Variants in RYR2 observed in about 807,000 individuals in gnomAD.
RYR2 encodes cardiac muscle ryanodine receptor-calcium release channel.
In RYR2, 227 loss-of-function variants were observed where a neutral mutation model predicts 601.1. The ratio of observed to expected loss-of-function variants is 0.38; its 90% CI spans 0.34 to 0.42. RYR2 has a LOEUF of 0.42. Among genes scored for constraint, RYR2 ranks in the 10% least tolerant of loss-of-function variants. RYR2 has a pLI of 1.00. For synonymous variants in RYR2, 2,223 were observed against 2,175.1 expected, an observed-to-expected ratio of 1.02 and a Z score of -0.61; for missense variants, 4,646 against 6,156.5, an observed-to-expected ratio of 0.75 and a Z score of 8.21.
At chr1:237,641,535 C>CTTTCT (rs1681536553) in intron 47 of RYR2, among the ~76,000 whole-genome samples, 1 of 131,474 alleles carries the variant, frequency 7.6e-6, no homozygotes, top group Non-Finnish European at 1.6e-5. Flanking sequence ...CTTTTTCTTT[C>CTTTCT]TTTTCTCTCT....
At chr1:237,515,367 A>G (rs1192784410) in intron 24 of RYR2, among the ~76,000 whole-genome samples, 1 of 152,270 alleles carries the variant, frequency 6.6e-6, no homozygotes, top group Admixed American at 6.5e-5. Flanking sequence ...GGAAGTTAAC[A>G]AAAATATAGT....
chr1:237,042,617 G>A (rs1001472473), intron 1 of RYR2, 48 bp downstream of exon 1: 2 of 1,248,278 alleles, frequency 1.6e-6, no homozygotes, highest in African/African-American at 1.5e-5. Flanking sequence ...GGGCGTCAGG[G>A]CATCCACTAG....
At position 237,355,953 on chromosome 1, in the gene RYR2, T is replaced by G; in HGVS notation, c.274-12T>G. ...TTTGTTTGTTATTTATTTTGGCTTT[T>G]TCTTTCCACAGCAAGTTGATGTGGA... On this transcript the variant is annotated splice_polypyrimidine_tract_variant and intron_variant, in intron 3 of 104. Transcript: ENST00000366574. The G allele has an allele frequency of 6.3e-7, 1 of 1,599,086 alleles. No homozygotes were observed. Among genetic ancestry groups the G allele is most frequent in the Non-Finnish European group, 8.5e-7 (1 of 1,171,896 alleles).
In RYR2 at chr1:237,071,375, C is replaced by T. The variant is rs576143824; in HGVS notation, c.48+28806C>T. ...AGTAGCTGGGATTACAGGCACCTGT[C>T]GCCATGCCCGGCTAATTTTTCTATT... On this transcript the variant is annotated intron_variant, in intron 1 of 104. Transcript: ENST00000366574. Among the ~76,000 whole-genome samples, 21 of 152,216 alleles carry T rather than the reference C, an allele frequency of 1.4e-4. No individual in the cohort carries two copies. In the East Asian group the frequency reaches 1.7e-3, roughly 13 times the overall value.
At chr1:237,362,757 C>T (rs1699885284) in intron 4 of RYR2, among the ~76,000 whole-genome samples, 1 of 152,164 alleles carries the variant, frequency 6.6e-6, no homozygotes, top group African/African-American at 2.4e-5. Context: ...TACCACAAAT[C>T]TTTCATGTTC....
In RYR2 at chr1:237,477,545, G is replaced by A. The variant is rs537147216; in HGVS notation, c.1708+8358G>A. On this transcript the variant is annotated intron_variant, in intron 17 of 104. Transcript: ENST00000366574. The stretch of plus-strand genomic sequence containing the variant: ...CTTTTAGGCACTGTTACTGACAGAT[G>A]GCTATTTATTACCATTGTCTGGTCT... Among the ~76,000 whole-genome samples the A allele has an allele frequency of 1.2e-3, 176 of 152,292 alleles. 4 individuals carry two copies. Among genetic ancestry groups the A allele is most frequent in the Admixed American group, 0.011 (175 of 15,294 alleles).
chr1:237,423,207 G>A lies in RYR2; in HGVS notation c.964G>A (p.Ala322Thr). ...KNLLLMDKEK[A>T]DVKSTAFTFR... ...CCTTCTACTCATGGACAAAGAGAAAGCTGATGTAAAATCAACAGCATTTAC... is the reference window on the plus strand; with the variant it reads ...CCTTCTACTCATGGACAAAGAGAAAACTGATGTAAAATCAACAGCATTTAC... The change falls in exon 12 of 105, where the codon GCT becomes ACT. Residue 322 changes from alanine to threonine, a missense_variant. Ala to Thr is a moderately conservative substitution (Grantham distance 58). Coordinates refer to ENST00000366574, the MANE Select transcript of RYR2 (RefSeq NM_001035.3). 1 of 1,613,668 alleles carries A rather than the reference G, an allele frequency of 6.2e-7. No individual in the cohort carries two copies. The highest frequency in any genetic ancestry group is 8.5e-7 in the Non-Finnish European group (1 of 1,179,738).
At chr1:237,508,093 A>G (rs1479296441) in intron 23 of RYR2, among the ~76,000 whole-genome samples, 2 of 152,068 alleles carry the variant, frequency 1.3e-5, no homozygotes, top group African/African-American at 4.8e-5. Context: ...CCTCCCAAGT[A>G]GCTGGTTTTA....
intron 101 of RYR2, among the ~76,000 whole-genome samples, chr1:237,821,979 AAG>A (rs1662559909): frequency 6.6e-6 from 1 of 151,956 alleles, no homozygotes; most frequent in Non-Finnish European, 1.5e-5. Flanking sequence ...TTAGAGAAAA[AAG>A]AGTGAAAAGA....
At chr1:237,818,992 T>A (rs1662140362) in intron 100 of RYR2, 44 bp from the exon 101 acceptor site, 5 of 1,544,380 alleles carry the variant, frequency 3.2e-6, no homozygotes, top group Admixed American at 3.7e-5. Context: ...GAAAAAAAAA[T>A]GGGTAATGTC....
chr1:237,238,995 A>G (rs1435446912), intron 1 of RYR2, among the ~76,000 whole-genome samples: 2 of 152,178 alleles, frequency 1.3e-5, no homozygotes, highest in African/African-American at 4.8e-5. Flanking sequence ...TTTCATGAAG[A>G]CATTGAGTGT....
At position 237,145,222 on chromosome 1, in the gene RYR2, T is replaced by TA. The variant is rs544342353; in HGVS notation, c.48+102664dup. Among the ~76,000 whole-genome samples the TA allele has an allele frequency of 3.4e-3, 473 of 139,254 alleles. 1 individual carries two copies. The highest frequency in any genetic ancestry group is 0.015 in the Middle Eastern group (4 of 270). 91.4% of individuals were successfully genotyped at this position (139,254 alleles called of 152,430 possible). A position where few individuals can be genotyped will look rare whatever the true frequency, so the allele number is the denominator to read the frequency against. ...TACCCCAGAACTTAAAGTATAATAA[T>TA]AAAAAAAAAAAGAAAAAAAGAAAAA... On this transcript the variant is annotated intron_variant, in intron 1 of 104. Transcript: ENST00000366574.
intron 1 of RYR2, among the ~76,000 whole-genome samples, chr1:237,250,505 C>A (rs1380210086): frequency 6.6e-6 from 1 of 152,126 alleles, no homozygotes; most frequent in Non-Finnish European, 1.5e-5. Context: ...ATGTTTAAGT[C>A]TTGTCCTCGT....
At chr1:237,263,187 T>C (rs1235570695) in intron 1 of RYR2, among the ~76,000 whole-genome samples, 1 of 152,156 alleles carries the variant, frequency 6.6e-6, no homozygotes, top group African/African-American at 2.4e-5. Context: ...TGAAATCACT[T>C]AATGGGATCA....
At chr1:237,074,016 TA>T (rs1320457325) in intron 1 of RYR2, among the ~76,000 whole-genome samples, 4 of 152,008 alleles carry the variant, frequency 2.6e-5, no homozygotes, top group African/African-American at 9.7e-5. Flanking sequence ...TGAGAAGATT[TA>T]AAATTTTTTT....
chr1:237,515,577 G>A (rs1282138391), intron 24 of RYR2, among the ~76,000 whole-genome samples: 1 of 151,786 alleles, frequency 6.6e-6, no homozygotes, highest in African/African-American at 2.4e-5. Flanking sequence ...GTCCAAGAGA[G>A]CAAGTTAGTT....
intron 100 of RYR2, among the ~76,000 whole-genome samples, chr1:237,815,116 A>G (rs1316084626): frequency 2.6e-5 from 4 of 152,028 alleles, no homozygotes; most frequent in African/African-American, 9.7e-5. Flanking sequence ...GCCACAGACT[A>G]TAACATCTTG....
intron 10 of RYR2, among the ~76,000 whole-genome samples, chr1:237,416,051 A>G (rs1165079981): frequency 6.6e-6 from 1 of 152,162 alleles, no homozygotes; most frequent in African/African-American, 2.4e-5. Flanking sequence ...ACGGCAGGTG[A>G]GAATGGTGTT....
chr1:237,108,035 C>T (rs975127876), intron 1 of RYR2, among the ~76,000 whole-genome samples: 2 of 152,206 alleles, frequency 1.3e-5, no homozygotes, highest in Non-Finnish European at 2.9e-5. Flanking sequence ...TAGAGCTAAC[C>T]TTCCTGGTGG....
Sources: allele counts gnomAD v4.1 joint callset (sites outside exome capture counted in the v4.1 genomes callset), GRCh38; gene constraint gnomAD v4.1.1; transcripts MANE v1.5; gene names NCBI Gene and HGNC (gene_info 2026-07-23, HGNC 2026-07-21).